DPY19L3: variants seen among roughly 807,000 people sequenced by gnomAD.
DPY19L3 encodes dpy-19 like C-mannosyltransferase 3.
A neutral mutation model predicts 92.3 loss-of-function variants in DPY19L3; 51 were observed. The ratio of observed to expected loss-of-function variants is 0.55; its 90% confidence interval spans 0.44 to 0.70. DPY19L3 has a LOEUF of 0.70. Among genes scored for constraint, DPY19L3 ranks in the 30% least tolerant of loss-of-function variants. DPY19L3 has a pLI of 0.00. For missense variants in DPY19L3, 706 were observed against 855.9 expected, an observed-to-expected ratio of 0.82 and a Z score of 2.18; for synonymous variants, 309 against 315.2, an observed-to-expected ratio of 0.98 and a Z score of 0.21.
Position 32,420,597 on chromosome 19 carries a change from G to T in DPY19L3, c.237+9225G>T, listed in dbSNP as rs572820978. Among the ~76,000 whole-genome samples, 7 of 151,864 alleles carry T rather than the reference G, an allele frequency of 4.6e-5. No individual in the cohort carries two copies. The South Asian group carries it at 1.5e-3, about 32-fold the overall frequency. ...GTAGAGTAGCTGGGATTATAGGTGC[G>T]CACCACCGTGCCCAGCTAACTTTTG... On this transcript the variant is annotated intron_variant, in intron 3 of 18. Transcript: ENST00000392250.
chr19:32,412,312 AAAAG>A (rs1308329426), intron 3 of DPY19L3: 17 of 147,854 alleles, frequency 1.1e-4, no homozygotes, highest in South Asian at 2.1e-4. Context: ...AATGAAATCA[AAAAG>A]AAAGAATACT....
Position 32,483,315 on chromosome 19 carries a change from C to T in DPY19L3, c.*1075C>T, listed in dbSNP as rs903394063. The T allele has an allele frequency of 4.6e-5, 7 of 152,538 alleles. No homozygotes were observed. Among genetic ancestry groups the T allele is most frequent in the African/African-American group, 1.4e-4 (6 of 41,414 alleles). The allele number at this position is 152,538 out of a possible 1,614,324, so 9.4% of individuals were successfully genotyped here. On this transcript the variant is annotated 3_prime_UTR_variant, in exon 19 of 19. Coordinates refer to ENST00000392250, the MANE Select transcript of DPY19L3 (RefSeq NM_001172774.2). ...AATTCTTTTCCTTATTAAAAGGTAA[C>T]CAAGTGCCTCTAAGTCATGCTTATT... is the stretch of plus-strand genomic sequence containing the variant.
chr19:32,413,661 T>C (rs905254784), intron 3 of DPY19L3, among the ~76,000 whole-genome samples: 12 of 145,972 alleles, frequency 8.2e-5, no homozygotes, highest in Non-Finnish European at 1.5e-4. Flanking sequence ...ATAATACTTA[T>C]CTTTCAGTGA....
At chr19:32,419,812 T>G (rs1471944591) in intron 3 of DPY19L3, among the ~76,000 whole-genome samples, 1 of 152,128 alleles carries the variant, frequency 6.6e-6, no homozygotes, top group African/African-American at 2.4e-5. Flanking sequence ...ACCTACTTTT[T>G]TACTGCCCTT....
At chr19:32,481,857 G>GA in intron 18 of DPY19L3, 1 of 516,130 alleles carries the variant, frequency 1.9e-6, no homozygotes, top group South Asian at 3.0e-5. Context: ...CCGTTAATGG[G>GA]ATCATCGTGT....
intron 12 of DPY19L3, among the ~76,000 whole-genome samples, chr19:32,460,340 G>A (rs748464681): frequency 3.3e-4 from 50 of 152,304 alleles, no homozygotes; most frequent in African/African-American, 9.4e-4. Flanking sequence ...GAGCCCAGGC[G>A]TTTGAGGTTT....
chr19:32,440,690 G>A (rs1969294214), intron 8 of DPY19L3, among the ~76,000 whole-genome samples: 1 of 152,032 alleles, frequency 6.6e-6, no homozygotes, highest in African/African-American at 2.4e-5. Context: ...TAATAGAATG[G>A]GCACTACAGA....
At chr19:32,425,217 T>C (rs1463875379) in intron 3 of DPY19L3, among the ~76,000 whole-genome samples, 1 of 152,004 alleles carries the variant, frequency 6.6e-6, no homozygotes, top group Non-Finnish European at 1.5e-5. Context: ...AATAAATAAA[T>C]AAATTGGTGT....
chr19:32,477,941 AAG>A (rs1020830631), intron 17 of DPY19L3, among the ~76,000 whole-genome samples: 1 of 152,138 alleles, frequency 6.6e-6, no homozygotes, highest in African/African-American at 2.4e-5. Context: ...AGCAAGCAAA[AAG>A]AGAGCTTGTG....
rs1313667373 is a variant in DPY19L3 at position 32,411,488 on chromosome 19, A to C, written c.237+116A>C. On this transcript the variant is annotated intron_variant, in intron 3 of 18. Transcript: ENST00000392250. ...GCCATAAAGAATCCAATCTCTAGAA[A>C]GGTTGGACTATAGAGTGAAATAACT... 4 of 1,051,752 alleles carry C rather than the reference A, an allele frequency of 3.8e-6. No homozygotes were observed. The African/African-American group carries it at 6.4e-5, about 17-fold the overall frequency. The allele number at this position is 1,051,752 out of a possible 1,614,324, so 65.2% of individuals were successfully genotyped here. A position where few individuals can be genotyped will look rare whatever the true frequency, so the allele number is the denominator to read the frequency against.
chr19:32,431,099 G>T (rs1284319213), intron 3 of DPY19L3, among the ~76,000 whole-genome samples: 1 of 152,108 alleles, frequency 6.6e-6, no homozygotes, highest in African/African-American at 2.4e-5. Context: ...AAAAAGCATG[G>T]CCGGGTGCAG....
intron 8 of DPY19L3, among the ~76,000 whole-genome samples, chr19:32,451,367 A>G (rs184805567): frequency 1.5e-4 from 23 of 152,188 alleles, no homozygotes; most frequent in Non-Finnish European, 1.0e-4. Context: ...ATTGATTGCT[A>G]TTTCTTTTTT....
intron 8 of DPY19L3, among the ~76,000 whole-genome samples, chr19:32,446,242 A>G (rs1027721268): frequency 6.6e-6 from 1 of 152,202 alleles, no homozygotes; most frequent in South Asian, 2.1e-4. Flanking sequence ...ACGAAGCAGT[A>G]CATGAAAAAA....
chr19:32,407,262 G>GCCCC (rs1432716118), intron 1 of DPY19L3, among the ~76,000 whole-genome samples: 1 of 39,622 alleles, frequency 2.5e-5, no homozygotes, highest in Non-Finnish European at 4.7e-5. Context: ...CCAGGCTCCT[G>GCCCC]CTCCCCCCCA....
chr19:32,464,665 C>T, intron 14 of DPY19L3, 63 bp from the exon 15 acceptor site: 2 of 1,056,616 alleles, frequency 1.9e-6, no homozygotes, highest in South Asian at 3.1e-5. Flanking sequence ...TAGCAAGACC[C>T]TGTCTCTCAA....
chr19:32,452,285 G>A (rs574557108), intron 8 of DPY19L3, among the ~76,000 whole-genome samples: 4 of 152,292 alleles, frequency 2.6e-5, no homozygotes, highest in East Asian at 3.9e-4. Context: ...TGTTGGTGCC[G>A]GAGCTGATGT....
chr19:32,443,177 A>G (rs1226261657), intron 8 of DPY19L3, among the ~76,000 whole-genome samples: 2 of 152,152 alleles, frequency 1.3e-5, no homozygotes, highest in African/African-American at 4.8e-5. Context: ...ATGTGTCAGC[A>G]GGGACCTGTA....
At chr19:32,450,126 C>T (rs1969651129) in intron 8 of DPY19L3, among the ~76,000 whole-genome samples, 1 of 152,062 alleles carries the variant, frequency 6.6e-6, no homozygotes, top group Non-Finnish European at 1.5e-5. Flanking sequence ...CCAATAAACA[C>T]AGGAAAAGAT....
chr19:32,417,773 T>C (rs1968427772), intron 3 of DPY19L3, among the ~76,000 whole-genome samples: 1 of 152,202 alleles, frequency 6.6e-6, no homozygotes, highest in Non-Finnish European at 1.5e-5. Context: ...CTTTCCTTTA[T>C]AAATTACCCA....
Sources: gnomAD v4.1 joint callset for allele counts (sites outside exome capture counted in the v4.1 genomes callset) on GRCh38, gnomAD v4.1.1 for gene constraint, MANE v1.5 for transcripts, NCBI Gene and HGNC (gene_info 2026-07-23, HGNC 2026-07-21) for gene names.